Variants in ANKRD30B observed in about 807,000 individuals in gnomAD.
The protein encoded by ANKRD30B is ankyrin repeat domain-containing protein 30B.
ANKRD30B carries 144 observed loss-of-function variants against 202.2 expected under a neutral mutation model. The observed-to-expected ratio is 0.71, with a 90% CI of 0.62 to 0.82. The LOEUF is 0.82. ANKRD30B is among the 40% of genes least tolerant of loss of function. The pLI is 0.00. For missense variants in ANKRD30B, 1,487 were observed against 1,669.1 expected, an observed-to-expected ratio of 0.89 and a Z score of 1.90; for synonymous variants, 508 against 561.3, an observed-to-expected ratio of 0.91 and a Z score of 1.34.
At chr18:14,881,959 T>C in the ANKRD30B span, among the ~76,000 whole-genome samples, 1 of 152,218 alleles carries the variant, frequency 6.6e-6, no homozygotes, top group African/African-American at 2.4e-5. Context: ...ATCCCCTGTT[T>C]CATTTCTTAG....
At chr18:14,764,133 G>C (rs1292573601) in intron 7 of ANKRD30B, 43 bp downstream of exon 7, 1 of 1,458,910 alleles carries the variant, frequency 6.9e-7, no homozygotes, top group East Asian at 2.5e-5. Flanking sequence ...TTGGCACTTT[G>C]GGTTCCCTAG....
chr18:14,761,567 G>A (rs191331650), intron 6 of ANKRD30B, among the ~76,000 whole-genome samples: 11 of 152,324 alleles, frequency 7.2e-5, no homozygotes, highest in Non-Finnish European at 1.3e-4. Flanking sequence ...GGATTAGACT[G>A]CTTTCAGCCA....
chr18:14,849,593 A>G (rs1971799435), intron 40 of ANKRD30B, among the ~76,000 whole-genome samples: 2 of 151,746 alleles, frequency 1.3e-5, no homozygotes, highest in South Asian at 2.1e-4. Flanking sequence ...CTTTAATTAA[A>G]TATTTATACT....
chr18:14,913,179 A>C, the ANKRD30B span, among the ~76,000 whole-genome samples: 1 of 152,218 alleles, frequency 6.6e-6, no homozygotes, highest in African/African-American at 2.4e-5. Flanking sequence ...ACTAAGTACC[A>C]ATTGAAGCTT....
At chr18:14,843,161 T>C in intron 39 of ANKRD30B, 65 bp downstream of exon 39, 1 of 1,394,440 alleles carries the variant, frequency 7.2e-7, no homozygotes, top group East Asian at 2.5e-5. Context: ...AATAGTCTCA[T>C]CTCCCCAATG....
At chr18:14,754,878 T>C (rs1248086417) in intron 3 of ANKRD30B, 21 bp from the exon 4 acceptor site, 1 of 1,465,894 alleles carries the variant, frequency 6.8e-7, no homozygotes, top group Admixed American at 2.7e-5. Context: ...ATGAATTATA[T>C]ATTGTTCTGC....
intron 15 of ANKRD30B, among the ~76,000 whole-genome samples, chr18:14,790,510 G>A (rs971613773): frequency 2.6e-5 from 4 of 152,156 alleles, no homozygotes; most frequent in Admixed American, 6.5e-5. Flanking sequence ...AATTCAGTAT[G>A]ATATTGGCTG....
At chr18:14,892,935 A>G in the ANKRD30B span, among the ~76,000 whole-genome samples, 3 of 151,968 alleles carry the variant, frequency 2.0e-5, no homozygotes, top group African/African-American at 7.2e-5. Context: ...ATAAATAAAT[A>G]AATAAAAATA....
chr18:14,789,495 G>A (rs974817438), intron 15 of ANKRD30B, among the ~76,000 whole-genome samples: 8 of 152,072 alleles, frequency 5.3e-5, no homozygotes, highest in Middle Eastern at 3.2e-3. Flanking sequence ...TAATGCCTAG[G>A]TTTTCTTCTA....
the ANKRD30B span, among the ~76,000 whole-genome samples, chr18:14,937,974 T>C: frequency 1.3e-3 from 205 of 152,312 alleles, 1 homozygote; most frequent in African/African-American, 4.8e-3. Context: ...ATGTCAATGG[T>C]AACTTCAGGT....
intron 39 of ANKRD30B, among the ~76,000 whole-genome samples, chr18:14,843,544 GCTTA>G (rs1971506353): frequency 1.1e-5 from 1 of 91,072 alleles, no homozygotes; most frequent in Non-Finnish European, 2.3e-5. Flanking sequence ...GTTCTGATTA[GCTTA>G]CTTTCTGTGT....
At chr18:14,767,263 C>T (rs1598588039) in intron 7 of ANKRD30B, among the ~76,000 whole-genome samples, 1 of 152,156 alleles carries the variant, frequency 6.6e-6, no homozygotes, top group South Asian at 2.1e-4. Context: ...GTAATTCACC[C>T]TTATCCATGG....
rs1035860496 is a variant in ANKRD30B, at chr18:14,852,162, T to C, written c.4218T>C (p.Asp1406=). The part of the protein sequence containing the change: ...KAEHMYQNEQ[D]NVDKHTEQQE... ...AACACATGTATCAAAATGAACAAGA[T>C]AATGTGGACAAACACACTGAACAGC... The change falls in exon 42 of 44, where the codon GAT becomes GAC. Residue 1406 remains aspartate, a synonymous_variant. Coordinates refer to ENST00000690538, the MANE Select transcript of ANKRD30B (RefSeq NM_001367607.2). 1 of 1,593,678 alleles carries C rather than the reference T, an allele frequency of 6.3e-7. No homozygotes were observed. The highest frequency in any genetic ancestry group is 8.5e-7 in the Non-Finnish European group (1 of 1,170,026).
At chr18:14,798,781 T>G (rs1409626617) in intron 20 of ANKRD30B, among the ~76,000 whole-genome samples, 5 of 152,194 alleles carry the variant, frequency 3.3e-5, no homozygotes, top group African/African-American at 1.2e-4. Context: ...ACAGGCTCTC[T>G]GCAGGGGGTA....
intron 7 of ANKRD30B, among the ~76,000 whole-genome samples, chr18:14,767,887 T>C (rs1234166712): frequency 6.6e-6 from 1 of 152,220 alleles, no homozygotes; most frequent in African/African-American, 2.4e-5. Context: ...ATAACTGAAA[T>C]CACAGAAATC....
At chr18:14,824,138 G>A (rs1419361882) in intron 32 of ANKRD30B, among the ~76,000 whole-genome samples, 1 of 151,370 alleles carries the variant, frequency 6.6e-6, no homozygotes, top group African/African-American at 2.4e-5. Flanking sequence ...TATATTTTAG[G>A]TGTACTCAAT....
chr18:14,851,441 A>C (rs1297766921), intron 41 of ANKRD30B, 68 bp from the exon 42 acceptor site: 2 of 1,424,440 alleles, frequency 1.4e-6, no homozygotes, highest in Non-Finnish European at 1.9e-6. Flanking sequence ...GTTGTTCTTT[A>C]ATTTCAGAGG....
At chr18:14,748,756 C>G in intron 1 of ANKRD30B, 116 bp downstream of exon 1, 1 of 1,130,206 alleles carries the variant, frequency 8.8e-7, no homozygotes, top group Non-Finnish European at 1.2e-6. Flanking sequence ...GGAGGAGTGG[C>G]GGGCGATGGG....
At chr18:14,936,922 T>C in the ANKRD30B span, among the ~76,000 whole-genome samples, 1 of 152,156 alleles carries the variant, frequency 6.6e-6, no homozygotes, top group African/African-American at 2.4e-5. Flanking sequence ...TCAGAGGACA[T>C]GTTTTCTCCT....
Sources: allele counts gnomAD v4.1 joint callset (sites outside exome capture counted in the v4.1 genomes callset), GRCh38; gene constraint gnomAD v4.1.1; transcripts MANE v1.5; gene names NCBI Gene and HGNC (gene_info 2026-07-23, HGNC 2026-07-21).